The following HSF2BP variants were observed in gnomAD, a reference collection of about 807,000 sequenced individuals.
The protein encoded by HSF2BP is heat shock transcription factor 2 binding protein, also known as heat shock factor 2-binding protein.
HSF2BP carries 35 observed loss-of-function variants against 35.0 expected under a neutral mutation model. The ratio of observed to expected loss-of-function variants is 1.00; its 90% CI spans 0.76 to 1.32. The LOEUF (loss-of-function observed/expected upper bound fraction) is 1.32. Ranked by LOEUF, HSF2BP falls within the 40% of genes most tolerant of loss-of-function variation. The pLI, the probability that HSF2BP is intolerant of heterozygous loss-of-function variation, is 0.00. For synonymous variants in HSF2BP, 114 were observed against 117.4 expected (o/e 0.97, Z 0.18); for missense variants, 326 against 321.7 (o/e 1.01, Z -0.10).
chr21:43,589,109 T>C (rs2146768518), intron 8 of HSF2BP, among the ~76,000 whole-genome samples: 1 of 152,284 alleles, frequency 6.6e-6, no homozygotes, highest in East Asian at 1.9e-4. Flanking sequence ...GCCACATACA[T>C]GCTGTGTGGG....
At chr21:43,621,313 G>A (rs2082328885) in intron 6 of HSF2BP, among the ~76,000 whole-genome samples, 1 of 152,210 alleles carries the variant, frequency 6.6e-6, no homozygotes, top group East Asian at 1.9e-4. Flanking sequence ...GATCACTTGA[G>A]GTTAGGAGTT....
chr21:43,647,942 A>C (rs2082730935), intron 3 of HSF2BP, among the ~76,000 whole-genome samples: 1 of 151,812 alleles, frequency 6.6e-6, no homozygotes, highest in Non-Finnish European at 1.5e-5. Context: ...AAAAAAAAAA[A>C]AAAAAAAAAA....
chr21:43,628,291 G>T (rs1035208112), intron 6 of HSF2BP, among the ~76,000 whole-genome samples: 5 of 152,232 alleles, frequency 3.3e-5, no homozygotes, highest in Non-Finnish European at 7.3e-5. Flanking sequence ...CAAAGTTCTC[G>T]ATAGAAATTA....
chr21:43,630,344 G>T lies in HSF2BP; in HGVS notation c.552C>A (p.Phe184Leu). ...ELDSDESQFV[F>L]ALAGIVTNVA... ...TACTCGTGACAATTCCAGCCAGAGC[G>T]AAAACAAACTGACTTTCATCCGAAT... Residue 184 changes from phenylalanine to leucine, a missense_variant, in exon 6 of 9, where the codon TTC becomes TTA. By Grantham distance (22) the Phe-to-Leu change is conservative. Transcript: ENST00000291560. 6.2e-7 allele frequency: 1 copy of T among 1,612,124 alleles called. No individual in the cohort carries two copies. The highest frequency in any genetic ancestry group is 8.5e-7 in the Non-Finnish European group (1 of 1,179,376).
At chr21:43,657,748 C>T (rs2147142984) in intron 2 of HSF2BP, 2 of 806,520 alleles carry the variant, frequency 2.5e-6, no homozygotes, top group South Asian at 1.1e-4. Flanking sequence ...CGGAGGGGAA[C>T]TGGGCTTCCA....
intron 8 of HSF2BP, among the ~76,000 whole-genome samples, chr21:43,580,051 C>T (rs185286391): frequency 2.6e-5 from 4 of 152,248 alleles, no homozygotes; most frequent in East Asian, 3.9e-4. Flanking sequence ...ATGAGCCCTA[C>T]ATCCCTCTGC....
In HSF2BP at chr21:43,644,406, A is replaced by T. The variant is rs755398246; in HGVS notation, c.188-14T>A. The T allele has an allele frequency of 6.3e-7, 1 of 1,591,668 alleles. No individual in the cohort carries two copies. Among genetic ancestry groups the T allele is most frequent in the Non-Finnish European group, 8.6e-7 (1 of 1,159,472 alleles). ...TCCTTTCCAGGTCTAGGAGAAAGAC[A>T]TAAAATTACTCAAGATATTTCAAGT... On this transcript the variant is annotated splice_polypyrimidine_tract_variant and intron_variant, in intron 3 of 8. Coordinates refer to ENST00000291560, the MANE Select transcript of HSF2BP (RefSeq NM_007031.2).
chr21:43,658,164 C>G lies in HSF2BP; in HGVS notation c.-68G>C, dbSNP rs1175357755. ...CCCTCTGACCCCTCACGCCAGAAAGCGCGGGAACGAATCCACGCCGGGGGT... is the reference window on the plus strand; with the variant it reads ...CCCTCTGACCCCTCACGCCAGAAAGGGCGGGAACGAATCCACGCCGGGGGT... On this transcript the variant is annotated 5_prime_UTR_variant, in exon 2 of 9. Transcript: ENST00000291560. 2 of 1,446,706 alleles carry G rather than the reference C, an allele frequency of 1.4e-6. No homozygotes were observed. Among genetic ancestry groups the G allele is most frequent in the Non-Finnish European group, 1.8e-6 (2 of 1,099,530 alleles). 89.6% of individuals were successfully genotyped at this position (1,446,706 alleles called of 1,614,324 possible).
intron 3 of HSF2BP, among the ~76,000 whole-genome samples, chr21:43,651,427 CCA>C (rs2082784753): frequency 6.6e-6 from 1 of 152,078 alleles, no homozygotes; most frequent in Non-Finnish European, 1.5e-5. Flanking sequence ...ATCCATACAG[CCA>C]CAGTCCCACA....
chr21:43,641,292 C>T lies in HSF2BP; in HGVS notation c.291+2997G>A, dbSNP rs1164686883. On this transcript the variant is annotated intron_variant, in intron 4 of 8. Transcript: ENST00000291560. ...GGGATTACAGGCGTGAGCCACCGCG[C>T]CCGGCCAATATTCTCCAACAGTTGT... Among the ~76,000 whole-genome samples, 3 of 152,300 alleles carry T rather than the reference C, an allele frequency of 2.0e-5. No individual in the cohort carries two copies. In the East Asian group the frequency reaches 5.8e-4, roughly 29 times the overall value.
intron 8 of HSF2BP, among the ~76,000 whole-genome samples, chr21:43,589,982 T>A (rs981168887): frequency 2.6e-5 from 4 of 152,134 alleles, no homozygotes; most frequent in Non-Finnish European, 4.4e-5. Flanking sequence ...TAGGAAAAAA[T>A]TTCTACAACA....
At chr21:43,630,216 G>T in intron 6 of HSF2BP, 106 bp downstream of exon 6, 1 of 1,024,322 alleles carries the variant, frequency 9.8e-7, no homozygotes, top group Non-Finnish European at 1.4e-6. Context: ...TATATGCACT[G>T]GGAAACCAAA....
At chr21:43,648,852 C>T (rs1193405314) in intron 3 of HSF2BP, among the ~76,000 whole-genome samples, 1 of 152,226 alleles carries the variant, frequency 6.6e-6, no homozygotes, top group South Asian at 2.1e-4. Flanking sequence ...TGCTAAGAAT[C>T]TAAGAGTACC....
intron 5 of HSF2BP, 126 bp from the exon 6 acceptor site, chr21:43,630,580 A>G: frequency 5.8e-6 from 7 of 1,214,390 alleles, no homozygotes; most frequent in Non-Finnish European, 6.6e-6. Context: ...TTCCCTCATT[A>G]AAAGTTCCCA....
chr21:43,574,388 C>T (rs923273840), intron 8 of HSF2BP, among the ~76,000 whole-genome samples: 8 of 151,242 alleles, frequency 5.3e-5, no homozygotes, highest in Non-Finnish European at 1.0e-4. Flanking sequence ...GACGGAGTCT[C>T]GCTCTGTCGC....
At chr21:43,657,353 AC>A (rs962450627) in intron 2 of HSF2BP, among the ~76,000 whole-genome samples, 12 of 152,202 alleles carry the variant, frequency 7.9e-5, no homozygotes, top group Admixed American at 5.2e-4. Flanking sequence ...GAGCAAGACC[AC>A]GAAAAAGAAA....
At chr21:43,629,261 G>A (rs1311431817) in intron 6 of HSF2BP, among the ~76,000 whole-genome samples, 1 of 152,188 alleles carries the variant, frequency 6.6e-6, no homozygotes, top group East Asian at 1.9e-4. Flanking sequence ...CATTCTAGAT[G>A]CCATTAAGAA....
intron 7 of HSF2BP, among the ~76,000 whole-genome samples, chr21:43,611,081 T>G (rs2082198285): frequency 6.6e-6 from 1 of 151,912 alleles, no homozygotes. Flanking sequence ...ACAAAAAAAT[T>G]TTTAAAATTT....
At chr21:43,609,849 C>T (rs965603251) in intron 7 of HSF2BP, 15 of 152,242 alleles carry the variant, frequency 9.9e-5, no homozygotes, top group African/African-American at 3.4e-4. Flanking sequence ...TGCTCAGTGG[C>T]CAAATGGAAG....
Sources: allele counts gnomAD v4.1 joint callset (sites outside exome capture counted in the v4.1 genomes callset), GRCh38; gene constraint gnomAD v4.1.1; transcripts MANE v1.5; gene names NCBI Gene and HGNC (gene_info 2026-07-23, HGNC 2026-07-21).